NOXA1: variants seen among roughly 807,000 people sequenced by gnomAD.
NOXA1 encodes NADPH oxidase activator 1.
A neutral mutation model predicts 64.8 loss-of-function variants in NOXA1; 56 were observed. The ratio of observed to expected loss-of-function variants is 0.86; its 90% confidence interval spans 0.70 to 1.08. The LOEUF (loss-of-function observed/expected upper bound fraction) is 1.08, where lower values mean the gene tolerates loss of function less well. NOXA1 is among the 50% of genes least tolerant of loss of function. The pLI is 0.00. For synonymous variants in NOXA1, 295 were observed against 294.8 expected (o/e 1.00, Z -0.01); for missense variants, 668 against 658.5 (o/e 1.01, Z -0.16).
chr9:137,424,340 A>G (rs1363236754), intron 1 of NOXA1, among the ~76,000 whole-genome samples: 1 of 152,218 alleles, frequency 6.6e-6, no homozygotes, highest in East Asian at 1.9e-4. Context: ...CTGGCAAAAT[A>G]TCCCCCTTGG....
chr9:137,429,706 G>A (rs543807076), intron 5 of NOXA1, among the ~76,000 whole-genome samples: 30 of 152,168 alleles, frequency 2.0e-4, no homozygotes, highest in South Asian at 4.1e-4. Context: ...GAGTCCCTGC[G>A]TCTCTCTGCG....
intron 1 of NOXA1, 103 bp from the exon 2 acceptor site, chr9:137,426,145 G>A: frequency 9.3e-7 from 1 of 1,072,514 alleles, no homozygotes; most frequent in Non-Finnish European, 1.4e-6. Context: ...GGGTCCCCAG[G>A]GGCTGACGGA....
chr9:137,431,416 G>A lies in NOXA1; in HGVS notation c.804+75G>A, dbSNP rs138053960. 6.1e-4 allele frequency: 742 copies of A among 1,224,408 alleles called. 4 individuals are homozygous for A. The African/African-American group carries it at 9.8e-3, about 16-fold the overall frequency. The allele number at this position is 1,224,408 out of a possible 1,614,324, so 75.8% of individuals were successfully genotyped here. On this transcript the variant is annotated intron_variant, in intron 8 of 13. Transcript: ENST00000683555. The surrounding 1 kb of genome is among the most constrained non-coding windows in gnomAD (Gnocchi z 5.6). ...CCTCCGCAGACTGGGGACCACAATG[G>A]GACCAACATGAGGGTGGAGGGAGCA...
In NOXA1 at chr9:137,430,779, G is replaced by A. The variant is rs370614892; in HGVS notation, c.613-5G>A. 2.0e-5 allele frequency: 32 copies of A among 1,592,892 alleles called. No individual in the cohort carries two copies. The highest frequency in any genetic ancestry group is 1.7e-4 in the Middle Eastern group (1 of 6,010). On this transcript the variant is annotated splice_polypyrimidine_tract_variant and splice_region_variant and intron_variant, in intron 5 of 13. Transcript: ENST00000683555. ...CTGACCCAGCGTCCCCACTGTCCCC[G>A]CCAGGTGGTGGCCTCTGCCATCCCC... is the stretch of plus-strand genomic sequence containing the variant.
chr9:137,427,309 T>C (rs1838881773), intron 2 of NOXA1, among the ~76,000 whole-genome samples: 1 of 152,152 alleles, frequency 6.6e-6, no homozygotes, highest in Non-Finnish European at 1.5e-5. Context: ...GTGCGTAGAC[T>C]CTGGCTGGTG....
intron 8 of NOXA1, 61 bp from the exon 9 acceptor site, chr9:137,432,968 G>A: frequency 1.3e-6 from 2 of 1,583,006 alleles, no homozygotes; most frequent in Non-Finnish European, 1.7e-6. Context: ...GCTCTGCGAG[G>A]ACAGTACCGG....
intron 1 of NOXA1, 95 bp downstream of exon 1, chr9:137,423,801 C>T: frequency 9.6e-7 from 1 of 1,036,698 alleles, no homozygotes. Flanking sequence ...ACGGGGTCGC[C>T]CTGCCGCCCC....
intron 10 of NOXA1, 21 bp from the exon 11 acceptor site, chr9:137,433,432 C>G: frequency 3.8e-6 from 6 of 1,585,332 alleles, no homozygotes; most frequent in Non-Finnish European, 5.1e-6. Flanking sequence ...GACCACCCCT[C>G]CCCCTCCTGC....
chr9:137,427,437 CG>C, intron 2 of NOXA1, among the ~76,000 whole-genome samples: 1 of 152,342 alleles, frequency 6.6e-6, no homozygotes, highest in East Asian at 1.9e-4. Flanking sequence ...CCAGAGAGCC[CG>C]GATCTGGAGA....
intron 13 of NOXA1, 23 bp downstream of exon 13, chr9:137,434,102 C>T (rs1215550016): frequency 3.2e-6 from 5 of 1,583,644 alleles, no homozygotes; most frequent in Non-Finnish European, 4.3e-6. Flanking sequence ...TGGCCCTTCC[C>T]AGGCAGCACC....
Position 137,434,398 on chromosome 9 carries a change from C to T in NOXA1, c.*38C>T, listed in dbSNP as rs767486888. 6.5e-7 allele frequency: 1 copy of T among 1,533,412 alleles called. No individual in the cohort carries two copies. Among genetic ancestry groups the T allele is most frequent in the South Asian group, 1.2e-5 (1 of 81,812 alleles). 95.0% of individuals were successfully genotyped at this position (1,533,412 alleles called of 1,614,324 possible). ...CATGATGCTTTTAATAAAAACAACC[C>T]CCACTGCAGTCTCACCCTCCAAGTG... is the stretch of plus-strand genomic sequence containing the variant. On this transcript the variant is annotated 3_prime_UTR_variant, in exon 14 of 14. Coordinates refer to ENST00000683555, the MANE Select transcript of NOXA1 (RefSeq NM_001256067.2).
At chr9:137,430,749 G>C in intron 5 of NOXA1, 35 bp from the exon 6 acceptor site, 1 of 1,576,944 alleles carries the variant, frequency 6.3e-7, no homozygotes, top group Non-Finnish European at 8.6e-7. Context: ...CTGGGCCGCT[G>C]ATCCCTGACC....
At position 137,431,532 on chromosome 9, in the gene NOXA1, T is replaced by C. The variant is rs1839111227; in HGVS notation, c.804+191T>C. Among the ~76,000 whole-genome samples the C allele has an allele frequency of 6.6e-6, 1 of 152,110 alleles. No homozygotes were observed. Among genetic ancestry groups the C allele is most frequent in the South Asian group, 2.1e-4 (1 of 4,836 alleles). The stretch of plus-strand genomic sequence containing the variant: ...GATGCCTGGCTGTGCCCGAGGCGAG[T>C]GGGCATTGGCCATCAGGACAGGAGA... On this transcript the variant is annotated intron_variant, in intron 8 of 13. Transcript: ENST00000683555. This position sits in a 1 kb window ranked among gnomAD's most constrained non-coding sequence, Gnocchi z 5.6.
intron 9 of NOXA1, 48 bp downstream of exon 9, chr9:137,433,122 C>T: frequency 3.1e-6 from 5 of 1,611,460 alleles, no homozygotes; most frequent in Non-Finnish European, 4.2e-6. Context: ...GAGGAAGCTG[C>T]TGGTGCATGG....
chr9:137,428,305 TG>T (rs775818728), intron 3 of NOXA1, among the ~76,000 whole-genome samples, 164 bp downstream of exon 3: 5 of 151,990 alleles, frequency 3.3e-5, no homozygotes, highest in Non-Finnish European at 7.4e-5. Flanking sequence ...CTGGTGGCAG[TG>T]GAGGTGGAGG....
chr9:137,430,778 C>T lies in NOXA1; in HGVS notation c.613-6C>T, dbSNP rs749578256. ...CCTGACCCAGCGTCCCCACTGTCCC[C>T]GCCAGGTGGTGGCCTCTGCCATCCC... On this transcript the variant is annotated splice_polypyrimidine_tract_variant and splice_region_variant and intron_variant, in intron 5 of 13. Coordinates refer to ENST00000683555, the MANE Select transcript of NOXA1 (RefSeq NM_001256067.2). 92 of 1,593,178 alleles carry T rather than the reference C, an allele frequency of 5.8e-5. No individual in the cohort carries two copies. The highest frequency in any genetic ancestry group is 7.1e-5 in the Non-Finnish European group (84 of 1,175,654).
rs909044746 is a variant in NOXA1 at position 137,433,731 on chromosome 9, C to T, written c.1065-19C>T. The T allele has an allele frequency of 4.8e-6, 7 of 1,465,384 alleles. No homozygotes were observed. The highest frequency in any genetic ancestry group is 4.3e-5 in the African/African-American group (3 of 70,384). The allele number at this position is 1,465,384 out of a possible 1,614,324, so 90.8% of individuals were successfully genotyped here. ...GCAGGCCCCACCCAGGAGGCCCCCT[C>T]TGAGGAATCTCTTTGCAGTTACCTA... On this transcript the variant is annotated intron_variant, in intron 11 of 13. Transcript: ENST00000683555.
intron 13 of NOXA1, 49 bp downstream of exon 13, chr9:137,434,128 TG>T: frequency 1.3e-6 from 2 of 1,581,732 alleles, no homozygotes; most frequent in Non-Finnish European, 8.6e-7. Context: ...GCCCGGGGTG[TG>T]GGGGGCTTAG....
chr9:137,430,732 G>A, intron 5 of NOXA1, 52 bp from the exon 6 acceptor site: 1 of 1,515,956 alleles, frequency 6.6e-7, no homozygotes, highest in Admixed American at 1.9e-5. Flanking sequence ...GCAGGGAGCA[G>A]ACCCTGCTGG....
Sources: gnomAD v4.1 joint callset for allele counts (sites outside exome capture counted in the v4.1 genomes callset) on GRCh38, gnomAD v4.1.1 for gene constraint, Gnocchi (gnomAD v3.1) non-coding constraint, MANE v1.5 for transcripts, NCBI Gene and HGNC (gene_info 2026-07-23, HGNC 2026-07-21) for gene names.